Variants in XYLT1 observed in about 807,000 individuals in gnomAD.
The protein encoded by XYLT1 is xylosyltransferase 1, also known as beta-D-xylosyltransferase 1.
Under a neutral mutation model 91.3 loss-of-function variants are expected in XYLT1, and 36 were observed. The observed-to-expected ratio is 0.39, with a 90% confidence interval of 0.30 to 0.52. The LOEUF is 0.52. Among genes scored for constraint, XYLT1 ranks in the 20% least tolerant of loss-of-function variants. The probability of loss-of-function intolerance (pLI) is 0.68; values close to 1 mark genes in which losing one functional copy is unlikely to be tolerated. For synonymous variants in XYLT1, 588 were observed against 532.0 expected, an observed-to-expected ratio of 1.11 and a Z score of -1.45; for missense variants, 1,242 against 1,284.5, an observed-to-expected ratio of 0.97 and a Z score of 0.51.
chr16:17,134,233 G>A lies in XYLT1; in HGVS notation c.2027+240C>T, dbSNP rs2030026. On this transcript the variant is annotated intron_variant, in intron 9 of 11. Transcript: ENST00000261381. ...AGTATATATATGTAGCATGAAGAATGAGTAAAATCATTGGGTACATAGGAT... is the reference window on the plus strand; with the variant it reads ...AGTATATATATGTAGCATGAAGAATAAGTAAAATCATTGGGTACATAGGAT... Among the ~76,000 whole-genome samples, 7 of 152,154 alleles carry A rather than the reference G, an allele frequency of 4.6e-5. No homozygotes were observed. The South Asian group carries it at 1.4e-3, about 32-fold the overall frequency.
At chr16:17,348,564 G>C (rs114157426) in intron 2 of XYLT1, among the ~76,000 whole-genome samples, 3,353 of 152,126 alleles carry the variant, frequency 0.022, 133 homozygotes, top group African/African-American at 0.075. Flanking sequence ...GAGCACCTTC[G>C]CCAAGGGATG....
At chr16:17,344,579 A>G (rs546386091) in intron 2 of XYLT1, among the ~76,000 whole-genome samples, 2 of 152,236 alleles carry the variant, frequency 1.3e-5, no homozygotes, top group South Asian at 4.2e-4. Context: ...CACAGGGTAA[A>G]CAAGGTTGCC....
intron 2 of XYLT1, chr16:17,338,509 A>G: frequency 2.2e-6 from 1 of 456,384 alleles, no homozygotes; most frequent in Non-Finnish European, 4.4e-6. Context: ...CTTGTGCTCC[A>G]TGAATATTGT....
chr16:17,197,623 C>T (rs1022149985), intron 5 of XYLT1, among the ~76,000 whole-genome samples: 3 of 152,058 alleles, frequency 2.0e-5, no homozygotes, highest in South Asian at 4.2e-4. Flanking sequence ...GCCAGCGTGG[C>T]CAGAATAAAA....
intron 9 of XYLT1, among the ~76,000 whole-genome samples, chr16:17,134,192 A>C (rs1417727873): frequency 6.6e-6 from 1 of 152,210 alleles, no homozygotes; most frequent in Admixed American, 6.5e-5. Context: ...TATGGTGACA[A>C]AAAGCTTCCT....
chr16:17,200,040 G>A (rs2032503551), intron 4 of XYLT1, among the ~76,000 whole-genome samples: 1 of 151,802 alleles, frequency 6.6e-6, no homozygotes, highest in African/African-American at 2.4e-5. Flanking sequence ...GGCCAACATG[G>A]TGAAACCTTG....
intron 1 of XYLT1, among the ~76,000 whole-genome samples, chr16:17,371,963 CT>C (rs1465644452): frequency 6.6e-6 from 1 of 152,206 alleles, no homozygotes; most frequent in African/African-American, 2.4e-5. Flanking sequence ...GCTATGGGAT[CT>C]GTAGATTTTG....
intron 2 of XYLT1, among the ~76,000 whole-genome samples, chr16:17,349,720 T>C (rs1252548262): frequency 2.0e-5 from 3 of 151,008 alleles, no homozygotes; most frequent in Admixed American, 2.0e-4. Context: ...AATGAGCAAA[T>C]CCATGTAAAG....
Position 17,227,595 on chromosome 16 carries a change from G to C in XYLT1, c.914-26941C>G, listed in dbSNP as rs998407862. The C allele has an allele frequency of 4.6e-5, 7 of 152,402 alleles. 1 individual carries two copies. The highest frequency in any genetic ancestry group is 2.0e-4 in the Admixed American group (3 of 15,312). 9.4% of individuals were successfully genotyped at this position (152,402 alleles called of 1,614,324 possible). A position where few individuals can be genotyped will look rare whatever the true frequency, so the allele number is the denominator to read the frequency against. ...AGCAATGTCTGCTTTGGCCCAGGAA[G>C]GTAGAAGAGGCTCAAGCTGCAATGT... is the stretch of plus-strand genomic sequence containing the variant. On this transcript the variant is annotated intron_variant, in intron 3 of 11. Transcript: ENST00000261381.
At chr16:17,138,286 T>TTGGATTTCTGCAGAGGTTTGTTGGCG in intron 8 of XYLT1, 69 bp downstream of exon 8, 1 of 1,569,382 alleles carries the variant, frequency 6.4e-7, no homozygotes, top group Non-Finnish European at 8.7e-7. Context: ...AGGTCTGGCC[T>TTGGATTTCTGCAGAGGTTTGTTGGCG]TGGATTTCTG....
chr16:17,191,272 G>A (rs1187323479), intron 5 of XYLT1, among the ~76,000 whole-genome samples: 3 of 152,166 alleles, frequency 2.0e-5, no homozygotes, highest in Non-Finnish European at 2.9e-5. Context: ...GTTGCTGTGC[G>A]GTCTTAACTA....
At chr16:17,350,410 G>C (rs1420563412) in intron 2 of XYLT1, among the ~76,000 whole-genome samples, 1 of 152,208 alleles carries the variant, frequency 6.6e-6, no homozygotes, top group Non-Finnish European at 1.5e-5. Flanking sequence ...GGAGATCGCA[G>C]ATCCTCTCTG....
chr16:17,200,830 G>A (rs1036341306), intron 3 of XYLT1, among the ~76,000 whole-genome samples, 176 bp from the exon 4 acceptor site: 8 of 152,142 alleles, frequency 5.3e-5, no homozygotes, highest in African/African-American at 1.9e-4. Flanking sequence ...ACACTGTCAG[G>A]CACAAAAGGG....
At chr16:17,245,791 C>T (rs944685338) in intron 3 of XYLT1, among the ~76,000 whole-genome samples, 1 of 152,136 alleles carries the variant, frequency 6.6e-6, no homozygotes, top group African/African-American at 2.4e-5. Flanking sequence ...AAAATTATTG[C>T]TTTGTCATTT....
intron 2 of XYLT1, among the ~76,000 whole-genome samples, chr16:17,320,181 T>G (rs1436581176): frequency 6.6e-6 from 1 of 152,236 alleles, no homozygotes; most frequent in Non-Finnish European, 1.5e-5. Flanking sequence ...TTCCCCAGAC[T>G]ACGGAGGTTG....
intron 1 of XYLT1, among the ~76,000 whole-genome samples, chr16:17,419,575 G>A (rs779959103): frequency 2.2e-4 from 34 of 152,150 alleles, no homozygotes; most frequent in Admixed American, 1.2e-3. Context: ...CAGTAGCCAC[G>A]CAGTTTGTAA....
At chr16:17,328,585 GATAA>G (rs1168400209) in intron 2 of XYLT1, among the ~76,000 whole-genome samples, 4 of 136,010 alleles carry the variant, frequency 2.9e-5, no homozygotes, top group Non-Finnish European at 4.8e-5. Context: ...AAGAAGGTGT[GATAA>G]ATAACACTAG....
chr16:17,385,711 T>C (rs1451858797), intron 1 of XYLT1, among the ~76,000 whole-genome samples: 1 of 151,834 alleles, frequency 6.6e-6, no homozygotes, highest in Non-Finnish European at 1.5e-5. Flanking sequence ...ATTTGGTCAA[T>C]AGAGAGACAC....
At chr16:17,400,330 C>T (rs2035947359) in intron 1 of XYLT1, among the ~76,000 whole-genome samples, 1 of 152,174 alleles carries the variant, frequency 6.6e-6, no homozygotes, top group African/African-American at 2.4e-5. Context: ...ATGGCTCACA[C>T]CTGTAATCCC....
Sources: gnomAD v4.1 joint callset for allele counts (sites outside exome capture counted in the v4.1 genomes callset) on GRCh38, gnomAD v4.1.1 for gene constraint, MANE v1.5 for transcripts, NCBI Gene and HGNC (gene_info 2026-07-23, HGNC 2026-07-21) for gene names.